Variants in SORCS2 observed in about 807,000 individuals in gnomAD.
The protein encoded by SORCS2 is VPS10 domain-containing receptor SorCS2.
In SORCS2, 100 loss-of-function variants were observed where a neutral mutation model predicts 141.6. The observed-to-expected ratio is 0.71, with a 90% confidence interval of 0.60 to 0.83. The LOEUF (loss-of-function observed/expected upper bound fraction) is 0.83. SORCS2 is among the 40% of genes least tolerant of loss of function. The probability of loss-of-function intolerance (pLI) is 0.00; values close to 1 mark genes in which losing one functional copy is unlikely to be tolerated. For missense variants in SORCS2, 1,646 were observed against 1,560.2 expected, an observed-to-expected ratio of 1.05 and a Z score of -0.93; for synonymous variants, 789 against 676.9, an observed-to-expected ratio of 1.17 and a Z score of -2.57.
At chr4:7,603,179 A>AGCGGGG (rs1161778809) in intron 3 of SORCS2, among the ~76,000 whole-genome samples, 1 of 145,754 alleles carries the variant, frequency 6.9e-6, no homozygotes, top group Non-Finnish European at 1.5e-5. Context: ...CCATGGAAAG[A>AGCGGGG]GAGGGGGAGG....
At chr4:7,291,453 C>T (rs1054127051) in intron 1 of SORCS2, among the ~76,000 whole-genome samples, 1 of 152,076 alleles carries the variant, frequency 6.6e-6, no homozygotes, top group East Asian at 1.9e-4. Context: ...AGGCTTTCAT[C>T]ATGAGGGCTC....
At chr4:7,636,058 G>C (rs149005733) in intron 3 of SORCS2, among the ~76,000 whole-genome samples, 1 of 152,190 alleles carries the variant, frequency 6.6e-6, no homozygotes, top group Non-Finnish European at 1.5e-5. Context: ...TAGTCGCCTC[G>C]TGCCATTGCC....
intron 1 of SORCS2, among the ~76,000 whole-genome samples, chr4:7,254,879 C>T (rs568191313): frequency 6.6e-6 from 1 of 152,166 alleles, no homozygotes; most frequent in African/African-American, 2.4e-5. Context: ...TGTCAGAGTG[C>T]AGATCTGACT....
chr4:7,230,464 T>C, intron 1 of SORCS2, among the ~76,000 whole-genome samples: 1 of 140,516 alleles, frequency 7.1e-6, no homozygotes, highest in East Asian at 2.3e-4. Flanking sequence ...GATGGTCAAG[T>C]CTTCGAGTCT....
At chr4:7,604,036 G>A (rs1717903866) in intron 3 of SORCS2, among the ~76,000 whole-genome samples, 1 of 152,132 alleles carries the variant, frequency 6.6e-6, no homozygotes, top group African/African-American at 2.4e-5. Context: ...TGTGTGACTT[G>A]TACGGTGTGT....
chr4:7,388,653 A>C (rs1723644479), intron 1 of SORCS2, among the ~76,000 whole-genome samples: 1 of 152,064 alleles, frequency 6.6e-6, no homozygotes, highest in Non-Finnish European at 1.5e-5. Context: ...ATTGTTTTTA[A>C]ATTGAGATAA....
intron 3 of SORCS2, among the ~76,000 whole-genome samples, chr4:7,579,335 C>A (rs1715985407): frequency 6.6e-6 from 1 of 152,136 alleles, no homozygotes; most frequent in Non-Finnish European, 1.5e-5. Flanking sequence ...ATCCCATGCG[C>A]TGGGCTAGGC....
chr4:7,332,104 C>G (rs1278554931), intron 1 of SORCS2, among the ~76,000 whole-genome samples: 1 of 152,202 alleles, frequency 6.6e-6, no homozygotes, highest in Non-Finnish European at 1.5e-5. Flanking sequence ...TTAGTGAGCA[C>G]CAACTGTGTG....
At chr4:7,543,331 T>G (rs1332910513) in intron 3 of SORCS2, among the ~76,000 whole-genome samples, 1 of 152,114 alleles carries the variant, frequency 6.6e-6, no homozygotes, top group Non-Finnish European at 1.5e-5. Context: ...ATTCATTCAT[T>G]CATCTATCCA....
chr4:7,226,584 T>C lies in SORCS2; in HGVS notation c.480+33458T>C, dbSNP rs539722072. Among the ~76,000 whole-genome samples the C allele has an allele frequency of 3.5e-3, 527 of 152,244 alleles. 3 individuals are homozygous for C. Among genetic ancestry groups the C allele is most frequent in the African/African-American group, 0.012 (512 of 41,538 alleles). On this transcript the variant is annotated intron_variant, in intron 1 of 26. Transcript: ENST00000507866. ...TTTCCAGGCACACTAACACACGCCATGCAAGACAAAGAAAACCCCGGCCCC... is the reference window on the plus strand; with the variant it reads ...TTTCCAGGCACACTAACACACGCCACGCAAGACAAAGAAAACCCCGGCCCC...
At chr4:7,500,854 G>A (rs746678730) in intron 2 of SORCS2, among the ~76,000 whole-genome samples, 1 of 152,178 alleles carries the variant, frequency 6.6e-6, no homozygotes, top group Non-Finnish European at 1.5e-5. Flanking sequence ...CCTCGATGCT[G>A]GGAGCCAGCC....
At chr4:7,283,428 G>A (rs1486441536) in intron 1 of SORCS2, among the ~76,000 whole-genome samples, 2 of 152,198 alleles carry the variant, frequency 1.3e-5, no homozygotes, top group African/African-American at 2.4e-5. Flanking sequence ...GTAGGGCTTC[G>A]GTAGGTGTTT....
chr4:7,611,671 T>C (rs1718414051), intron 3 of SORCS2, among the ~76,000 whole-genome samples: 1 of 152,244 alleles, frequency 6.6e-6, no homozygotes, highest in Admixed American at 6.5e-5. Flanking sequence ...TGTTAGGTTT[T>C]TAAATGCTTG....
chr4:7,704,240 G>C lies in SORCS2; in HGVS notation c.1824G>C (p.Val608=), dbSNP rs1247041287. The C allele has an allele frequency of 6.8e-6, 11 of 1,613,024 alleles. No homozygotes were observed. Among genetic ancestry groups the C allele is most frequent in the Non-Finnish European group, 7.6e-6 (9 of 1,179,612 alleles). The change falls in exon 14 of 27, where the codon GTG becomes GTC. Residue 608 remains valine (V), a synonymous_variant. Coordinates refer to ENST00000507866, the MANE Select transcript of SORCS2 (RefSeq NM_020777.3). The stretch of plus-strand genomic sequence containing the variant: ...ACTTCACCAGCACCTCGGTGTTTGT[G>C]GACGGGCTGCTGAGTGAGCCAGGGG... ...THNFTSTSVF[V]DGLLSEPGDE... is the part of the protein sequence containing the mutation.
At chr4:7,421,109 C>T (rs898294614) in intron 2 of SORCS2, among the ~76,000 whole-genome samples, 1 of 152,162 alleles carries the variant, frequency 6.6e-6, no homozygotes, top group Non-Finnish European at 1.5e-5. Context: ...CATCCCTTGC[C>T]CACACAGTGT....
chr4:7,398,508 C>A (rs1724365241), intron 2 of SORCS2, among the ~76,000 whole-genome samples: 1 of 152,202 alleles, frequency 6.6e-6, no homozygotes, highest in East Asian at 1.9e-4. Flanking sequence ...TGTCTCTATA[C>A]CCAGATGTTT....
At chr4:7,335,007 C>T (rs577128499) in intron 1 of SORCS2, among the ~76,000 whole-genome samples, 17 of 152,112 alleles carry the variant, frequency 1.1e-4, no homozygotes, top group South Asian at 4.2e-4. Flanking sequence ...GAGATGCAGT[C>T]GGCTGGGCCA....
chr4:7,283,877 G>A (rs1205762310), intron 1 of SORCS2, among the ~76,000 whole-genome samples: 2 of 152,112 alleles, frequency 1.3e-5, no homozygotes, highest in Non-Finnish European at 2.9e-5. Context: ...TGCCTGTGCT[G>A]GGAGCCACTT....
At chr4:7,374,946 T>A (rs1397530155) in intron 1 of SORCS2, among the ~76,000 whole-genome samples, 2 of 152,150 alleles carry the variant, frequency 1.3e-5, no homozygotes. Flanking sequence ...GACACTTTGC[T>A]GTTGGGGTTG....
Sources: gnomAD v4.1 joint callset for allele counts (sites outside exome capture counted in the v4.1 genomes callset) on GRCh38, gnomAD v4.1.1 for gene constraint, MANE v1.5 for transcripts, NCBI Gene and HGNC (gene_info 2026-07-23, HGNC 2026-07-21) for gene names.